Variants in UBE2Q1 observed in about 807,000 individuals in gnomAD.
The protein encoded by UBE2Q1 is ubiquitin-conjugating enzyme E2 Q1.
Under a neutral mutation model 60.1 loss-of-function variants are expected in UBE2Q1, and 6 were observed. The ratio of observed to expected loss-of-function variants is 0.10; its 90% CI spans 0.05 to 0.20. The LOEUF (loss-of-function observed/expected upper bound fraction) is 0.20. UBE2Q1 is among the 10% of genes least tolerant of loss of function. The probability of loss-of-function intolerance (pLI) is 1.00; values close to 1 mark genes in which losing one functional copy is unlikely to be tolerated. For synonymous variants in UBE2Q1, 226 were observed against 208.3 expected (o/e 1.09, Z -0.73); for missense variants, 262 against 525.8 (o/e 0.50, Z 4.91).
chr1:154,551,147 C>T lies in UBE2Q1; in HGVS notation c.1171-143G>A, dbSNP rs181794711. ...TAAAACACTAAGTACCCTCCACCTT[C>T]GAGGTCCCTTGGAGGCATAATCCCA... On this transcript the variant is annotated intron_variant, in intron 11 of 12. Transcript: ENST00000292211. 214 of 1,012,622 alleles carry T rather than the reference C, an allele frequency of 2.1e-4. No individual in the cohort carries two copies. In the East Asian group the frequency reaches 4.9e-3, roughly 23 times the overall value. 62.7% of individuals were successfully genotyped at this position (1,012,622 alleles called of 1,614,324 possible).
chr1:154,553,282 T>C (rs889893437), intron 4 of UBE2Q1, 110 bp from the exon 5 acceptor site: 40 of 1,400,970 alleles, frequency 2.9e-5, no homozygotes, highest in Non-Finnish European at 3.7e-5. Flanking sequence ...AAAGTTAAAG[T>C]GAAGCAGTCC....
chr1:154,553,258 T>C, intron 4 of UBE2Q1, 86 bp from the exon 5 acceptor site: 1 of 1,521,770 alleles, frequency 6.6e-7, no homozygotes, highest in Non-Finnish European at 8.8e-7. Context: ...CCAGTCCCAT[T>C]TGGCGAAGAG....
chr1:154,552,668 G>A (rs1695813048), intron 6 of UBE2Q1, 68 bp downstream of exon 6: 5 of 1,564,094 alleles, frequency 3.2e-6, no homozygotes, highest in Non-Finnish European at 3.5e-6. Context: ...GAACCTCTTG[G>A]GCCCCTTGCC....
chr1:154,550,356 G>A lies in UBE2Q1; in HGVS notation c.*82C>T. ...GAAAAATGAGGGAGGGAACCACAGAGGCAGCGTGAGATCCAAATACAGCAT... is the reference window on the plus strand; with the variant it reads ...GAAAAATGAGGGAGGGAACCACAGAAGCAGCGTGAGATCCAAATACAGCAT... On this transcript the variant is annotated 3_prime_UTR_variant, in exon 13 of 13. Transcript: ENST00000292211. 2 of 1,574,348 alleles carry A rather than the reference G, an allele frequency of 1.3e-6. No individual in the cohort carries two copies. The highest frequency in any genetic ancestry group is 1.7e-6 in the Non-Finnish European group (2 of 1,146,510).
Position 154,552,460 on chromosome 1 carries a change from G to A in UBE2Q1, c.819C>T (p.Asn273=). Residue 273 remains asparagine, a synonymous_variant, in exon 7 of 13, where the codon AAC becomes AAT. Transcript: ENST00000292211. ...IYRSQSFKGG[N]YAVELVNDSL... The stretch of plus-strand genomic sequence containing the variant: ...TGTCATTCACGAGTTCGACTGCATA[G>A]TTTCCTGGAAGGAGGGAAAAAACAG... 6.2e-7 allele frequency: 1 copy of A among 1,614,236 alleles called. No homozygotes were observed. The highest frequency in any genetic ancestry group is 8.5e-7 in the Non-Finnish European group (1 of 1,180,050).
intron 3 of UBE2Q1, 44 bp downstream of exon 3, chr1:154,555,384 G>C: frequency 6.5e-7 from 1 of 1,533,250 alleles, no homozygotes; most frequent in Non-Finnish European, 9.0e-7. Context: ...GTACCCTGTG[G>C]GGCAACTCTG....
chr1:154,550,383 C>G lies in UBE2Q1; in HGVS notation c.*55G>C. 2.5e-6 allele frequency: 4 copies of G among 1,608,898 alleles called. No homozygotes were observed. Among genetic ancestry groups the G allele is most frequent in the Non-Finnish European group, 3.4e-6 (4 of 1,175,824 alleles). ...CAGCGTGAGATCCAAATACAGCATTCAAAGGTAATTGGTCCAGTGGTGCCT... is the reference window on the plus strand; with the variant it reads ...CAGCGTGAGATCCAAATACAGCATTGAAAGGTAATTGGTCCAGTGGTGCCT... On this transcript the variant is annotated 3_prime_UTR_variant, in exon 13 of 13. Coordinates refer to ENST00000292211, the MANE Select transcript of UBE2Q1 (RefSeq NM_017582.7).
rs552946903 is a variant in UBE2Q1 at position 154,552,105 on chromosome 1, G to A, written c.954C>T (p.Asn318=). The change falls in exon 8 of 13, where the codon AAC becomes AAT. Residue 318 remains asparagine (N), a synonymous_variant. Coordinates refer to ENST00000292211, the MANE Select transcript of UBE2Q1 (RefSeq NM_017582.7). ...EKEGADFILL[N]FSFKDNFPFD... ...AGAAAAGTCTTACTTTAAAGGAAAAGTTAAGTAGAATGAAGTCGGCTCCTT... is the reference window on the plus strand; with the variant it reads ...AGAAAAGTCTTACTTTAAAGGAAAAATTAAGTAGAATGAAGTCGGCTCCTT... The A allele has an allele frequency of 1.1e-5, 17 of 1,614,242 alleles. No homozygotes were observed. In the South Asian group the frequency reaches 1.9e-4, roughly 18 times the overall value.
chr1:154,555,359 T>A (rs1383313638), intron 3 of UBE2Q1, 69 bp downstream of exon 3: 2 of 1,329,844 alleles, frequency 1.5e-6, no homozygotes, highest in East Asian at 4.6e-5. Context: ...CTGATTTGTC[T>A]CAATTATTTA....
At chr1:154,553,294 T>TC (rs1363422858) in intron 4 of UBE2Q1, 122 bp from the exon 5 acceptor site, 2 of 1,305,226 alleles carry the variant, frequency 1.5e-6, no homozygotes, top group Non-Finnish European at 2.1e-6. Flanking sequence ...AAGCAGTCCA[T>TC]CTAGCAGTCT....
rs1263328847 is a variant in UBE2Q1 at position 154,551,924 on chromosome 1, C to T, written c.1022G>A (p.Gly341Glu). 6.2e-7 allele frequency: 1 copy of T among 1,614,178 alleles called. No homozygotes were observed. The highest frequency in any genetic ancestry group is 1.3e-5 in the African/African-American group (1 of 75,030). Residue 341 changes from glycine (G) to glutamate (E), a missense_variant, in exon 9 of 13, where the codon GGA (glycine) becomes GAA (glutamate). Physicochemically the swap from Gly to Glu is moderately conservative, Grantham distance 98. Transcript: ENST00000292211. ...FVRVVSPVLS[G>E]GYVLGGGAIC... ...CTTCCGCATGCCAGCCACTCACCCT[C>T]CAGAGAGGACTGGAGACACAACCCT... is the stretch of plus-strand genomic sequence containing the variant.
intron 7 of UBE2Q1, 92 bp downstream of exon 7, chr1:154,552,312 A>G (rs921419627): frequency 5.6e-6 from 9 of 1,594,912 alleles, no homozygotes; most frequent in Non-Finnish European, 7.7e-6. Context: ...CTGAATGAAA[A>G]TGCTGGATGG....
chr1:154,552,683 T>C, intron 6 of UBE2Q1, 53 bp downstream of exon 6: 1 of 1,590,702 alleles, frequency 6.3e-7, no homozygotes, highest in Non-Finnish European at 8.6e-7. Flanking sequence ...CTTGCCACCA[T>C]ACCCTTCTTT....
intron 2 of UBE2Q1, 48 bp from the exon 3 acceptor site, chr1:154,555,580 C>G: frequency 1.3e-6 from 2 of 1,549,190 alleles, no homozygotes; most frequent in Non-Finnish European, 1.8e-6. Flanking sequence ...CCACTCCGAT[C>G]TGGATAAGTG....
chr1:154,558,130 C>A, intron 1 of UBE2Q1, 97 bp downstream of exon 1: 1 of 1,013,740 alleles, frequency 9.9e-7, no homozygotes, highest in Non-Finnish European at 1.4e-6. Context: ...AGAGGGGCTT[C>A]GGCCTCCCAG....
chr1:154,550,300 G>A lies in UBE2Q1; in HGVS notation c.*138C>T. 1 of 1,136,802 alleles carries A rather than the reference G, an allele frequency of 8.8e-7. No homozygotes were observed. Among genetic ancestry groups the A allele is most frequent in the South Asian group, 1.4e-5 (1 of 69,292 alleles). The allele number at this position is 1,136,802 out of a possible 1,614,324, so 70.4% of individuals were successfully genotyped here. A position where few individuals can be genotyped will look rare whatever the true frequency, so the allele number is the denominator to read the frequency against. ...CTTAGCGTTTAGAATAGCCATCATTGTCCTGCAATAGGCAGAGCTATCACG... is the reference window on the plus strand; with the variant it reads ...CTTAGCGTTTAGAATAGCCATCATTATCCTGCAATAGGCAGAGCTATCACG... On this transcript the variant is annotated 3_prime_UTR_variant, in exon 13 of 13. Transcript: ENST00000292211.
Position 154,558,475 on chromosome 1 carries a change from C to G in UBE2Q1, c.79G>C (p.Ala27Pro). 1.6e-6 allele frequency: 2 copies of G among 1,286,870 alleles called. No individual in the cohort carries two copies. The highest frequency in any genetic ancestry group is 2.2e-5 in the South Asian group (1 of 44,680). The allele number at this position is 1,286,870 out of a possible 1,614,324, so 79.7% of individuals were successfully genotyped here. ...QLGGQGAAPGAGGGPGGGPGP... is the reference protein window; with the variant it reads ...QLGGQGAAPGPGGGPGGGPGP... The stretch of plus-strand genomic sequence containing the variant: ...GGGCCCCCCCCTGGGCCGCCCCCGG[C>G]CCCCGGCGCCGCCCCCTGGCCCCCC... Residue 27 changes from alanine (A) to proline (P), a missense_variant, in exon 1 of 13, where the codon GCC (alanine) becomes CCC (proline). By Grantham distance (27) the Ala-to-Pro change is conservative (BLOSUM62 -1). Around this residue, in one of 5 missense-constraint regions of UBE2Q1, gnomAD observed 70 missense variants for 56.7 expected, o/e 1.24. Transcript: ENST00000292211.
intron 6 of UBE2Q1, 67 bp downstream of exon 6, chr1:154,552,669 G>A: frequency 6.4e-7 from 1 of 1,564,042 alleles, no homozygotes; most frequent in East Asian, 2.3e-5. Context: ...AACCTCTTGG[G>A]CCCCTTGCCA....
intron 8 of UBE2Q1, 31 bp from the exon 9 acceptor site, chr1:154,552,010 G>C (rs760951743): frequency 6.2e-7 from 1 of 1,614,022 alleles, no homozygotes; most frequent in Admixed American, 1.7e-5. Context: ...AATCAGGGGA[G>C]GGAGGCCAGC....
Sources: gnomAD v4.1 joint callset for allele counts on GRCh38, gnomAD v4.1.1 for gene constraint, gnomAD v4.1.1 regional missense constraint, MANE v1.5 for transcripts, NCBI Gene and HGNC (gene_info 2026-07-23, HGNC 2026-07-21) for gene names.